ADAP2: variants seen among roughly 807,000 people sequenced by gnomAD.
ADAP2 encodes ArfGAP with dual PH domains 2.
Under a neutral mutation model 54.9 loss-of-function variants are expected in ADAP2, and 42 were observed. The observed-to-expected ratio is 0.77, with a 90% CI of 0.60 to 0.99. The LOEUF (loss-of-function observed/expected upper bound fraction) is 0.99. ADAP2 is among the 50% of genes least tolerant of loss of function. ADAP2 has a pLI of 0.00. For synonymous variants in ADAP2, 177 were observed against 180.1 expected (o/e 0.98, Z 0.14); for missense variants, 429 against 480.4 (o/e 0.89, Z 1.00).
At chr17:30,940,580 C>T (rs570026053) in intron 5 of ADAP2, among the ~76,000 whole-genome samples, 4 of 152,228 alleles carry the variant, frequency 2.6e-5, no homozygotes, top group Non-Finnish European at 5.9e-5. Context: ...GCTGGGATTA[C>T]AGGCGTGAGC....
chr17:30,955,270 C>T (rs1361010021), intron 9 of ADAP2, among the ~76,000 whole-genome samples: 1 of 151,130 alleles, frequency 6.6e-6, no homozygotes, highest in South Asian at 2.1e-4. Flanking sequence ...TCACCATGCC[C>T]AGCTAATTAA....
chr17:30,922,020 C>A lies in ADAP2; in HGVS notation c.6C>A (p.Gly2=), dbSNP rs1249660069. 17 of 1,277,390 alleles carry A rather than the reference C, an allele frequency of 1.3e-5. No homozygotes were observed. Among genetic ancestry groups the A allele is most frequent in the Non-Finnish European group, 1.6e-5 (16 of 1,016,614 alleles). The allele number at this position is 1,277,390 out of a possible 1,614,324, so 79.1% of individuals were successfully genotyped here. ...CTGAGCCCGCCGGGCCGGCCATGGG[C>A]GATCGCGAGCGCAACAAGAAGCGGC... M[G]DRERNKKRLL... Residue 2 remains glycine (G), a synonymous_variant, in exon 1 of 11, where the codon GGC becomes GGA. Transcript: ENST00000330889.
At chr17:30,932,011 A>G in intron 4 of ADAP2, 43 bp downstream of exon 4, 1 of 1,579,314 alleles carries the variant, frequency 6.3e-7, no homozygotes, top group Non-Finnish European at 8.7e-7. Context: ...TGTTTTAATG[A>G]GCTCTAGAAA....
In ADAP2 at chr17:30,956,378, C is replaced by T. The variant is rs1905072477; in HGVS notation, c.1020C>T (p.Val340=). The change falls in exon 10 of 11, where the codon GTC becomes GTT. Residue 340 remains valine (V), a synonymous_variant. Coordinates refer to ENST00000330889, the MANE Select transcript of ADAP2 (RefSeq NM_018404.3). The stretch of plus-strand genomic sequence containing the variant: ...TTGTCACCCCAGAGCGGAGATTTGT[C>T]CTCACTTGCCCCAGTGAGAAGGAAC... ...LTIVTPERRF[V]LTCPSEKEQQ... 5 of 1,614,074 alleles carry T rather than the reference C, an allele frequency of 3.1e-6. No individual in the cohort carries two copies. The highest frequency in any genetic ancestry group is 3.4e-6 in the Non-Finnish European group (4 of 1,180,040).
intron 5 of ADAP2, among the ~76,000 whole-genome samples, chr17:30,942,760 C>A (rs1912366140): frequency 6.6e-6 from 1 of 152,134 alleles, no homozygotes; most frequent in South Asian, 2.1e-4. Context: ...ACAGACACTT[C>A]TCAAAGAAGA....
chr17:30,957,876 A>C lies in ADAP2; in HGVS notation c.*7A>C. On this transcript the variant is annotated 3_prime_UTR_variant, in exon 11 of 11. Coordinates refer to ENST00000330889, the MANE Select transcript of ADAP2 (RefSeq NM_018404.3). ...TGGCCGCAGCAGCAGGTGACCCATT[A>C]ACTGAGGAACTGGCTGCCACTGAAC... The C allele has an allele frequency of 6.2e-7, 1 of 1,612,314 alleles. No homozygotes were observed. The highest frequency in any genetic ancestry group is 8.5e-7 in the Non-Finnish European group (1 of 1,179,248).
rs377205962 is a variant in ADAP2 at position 30,926,563 on chromosome 17, A to G, written c.226-264A>G. 5.0e-4 allele frequency among the ~76,000 whole-genome samples: 76 copies of G among 152,304 alleles called. 1 individual carries two copies. The Middle Eastern group carries it at 0.01, about 20-fold the overall frequency. The stretch of plus-strand genomic sequence containing the variant: ...CCTCAGTTGACTCATCTGTAAAATG[A>G]GTACAGTGATATGAAAATGGCTGAG... On this transcript the variant is annotated intron_variant, in intron 2 of 10. Coordinates refer to ENST00000330889, the MANE Select transcript of ADAP2 (RefSeq NM_018404.3).
At chr17:30,936,551 GATGTTGA>G (rs1275290110) in intron 5 of ADAP2, among the ~76,000 whole-genome samples, 3 of 152,136 alleles carry the variant, frequency 2.0e-5, no homozygotes, top group African/African-American at 7.2e-5. Flanking sequence ...CATGGCAAAT[GATGTTGA>G]GCATCTTTTT....
chr17:30,953,049 G>A (rs1051017488), intron 7 of ADAP2, among the ~76,000 whole-genome samples: 2 of 152,128 alleles, frequency 1.3e-5, no homozygotes, highest in African/African-American at 4.8e-5. Flanking sequence ...GGTTACTGAA[G>A]GAATCCTTAA....
chr17:30,940,847 T>C (rs894390188), intron 5 of ADAP2, among the ~76,000 whole-genome samples: 2 of 152,170 alleles, frequency 1.3e-5, no homozygotes, highest in African/African-American at 4.8e-5. Flanking sequence ...GAGCAGATGT[T>C]ATTGTTCTTT....
chr17:30,941,553 C>T (rs1419174462), intron 5 of ADAP2, among the ~76,000 whole-genome samples: 1 of 152,172 alleles, frequency 6.6e-6, no homozygotes, highest in Non-Finnish European at 1.5e-5. Flanking sequence ...TCGTATCCTT[C>T]TTAGTGCCTC....
chr17:30,957,645 G>C lies in ADAP2; in HGVS notation c.1112-190G>C, dbSNP rs138785472. Among the ~76,000 whole-genome samples, 776 of 152,068 alleles carry C rather than the reference G, an allele frequency of 5.1e-3. 11 individuals carry two copies. The highest frequency in any genetic ancestry group is 0.018 in the African/African-American group (749 of 41,480). Reference sequence around the variant, plus strand: ...AGAGTTTCACCATGTTGCTCAGGCTGGTCTCGAACTCCTGAGCTCAAGTGA... The same window carrying C: ...AGAGTTTCACCATGTTGCTCAGGCTCGTCTCGAACTCCTGAGCTCAAGTGA... On this transcript the variant is annotated intron_variant, in intron 10 of 10. Coordinates refer to ENST00000330889, the MANE Select transcript of ADAP2 (RefSeq NM_018404.3).
In ADAP2 at chr17:30,944,982, C is replaced by G. The variant is rs1281885458; in HGVS notation, c.586C>G (p.His196Asp). ...TFQTEKIGHP[H>D]GLQITYRRDG... Reference sequence around the variant, plus strand: ...CCAGACAGAGAAGATAGGGCACCCCCATGGGCTGCAGATCACCTACAGGAG... The same window carrying G: ...CCAGACAGAGAAGATAGGGCACCCCGATGGGCTGCAGATCACCTACAGGAG... The change falls in exon 6 of 11, where the codon CAT becomes GAT. Residue 196 changes from histidine to aspartate, a missense_variant. Coordinates refer to ENST00000330889, the MANE Select transcript of ADAP2 (RefSeq NM_018404.3). The G allele has an allele frequency of 1.2e-6, 2 of 1,613,938 alleles. No homozygotes were observed. Among genetic ancestry groups the G allele is most frequent in the African/African-American group, 2.7e-5 (2 of 74,912 alleles).
intron 7 of ADAP2, among the ~76,000 whole-genome samples, chr17:30,950,471 C>G (rs6505222): frequency 2.0e-5 from 3 of 152,116 alleles, no homozygotes; most frequent in East Asian, 1.9e-4. Context: ...GGTAAGATGG[C>G]GGTTAGTCCA....
intron 3 of ADAP2, among the ~76,000 whole-genome samples, chr17:30,929,394 C>T (rs968223361): frequency 1.3e-5 from 2 of 152,148 alleles, no homozygotes; most frequent in African/African-American, 2.4e-5. Context: ...CATCCTGGCT[C>T]GCTGCTGCCA....
At chr17:30,931,308 C>T (rs1224821851) in intron 3 of ADAP2, among the ~76,000 whole-genome samples, 3 of 152,140 alleles carry the variant, frequency 2.0e-5, no homozygotes, top group African/African-American at 7.2e-5. Context: ...TGCCTGAAGA[C>T]ATTTTTGGGT....
chr17:30,923,693 CTTTTTTTTTTTT>C (rs1013811428), intron 2 of ADAP2, among the ~76,000 whole-genome samples: 3 of 92,412 alleles, frequency 3.2e-5, no homozygotes, highest in African/African-American at 5.0e-5. Context: ...TTCTTTCTTC[CTTTTTTTTTTTT>C]TTTTTTTTTT....
chr17:30,936,517 T>C (rs1285776418), intron 5 of ADAP2, among the ~76,000 whole-genome samples: 1 of 152,204 alleles, frequency 6.6e-6, no homozygotes, highest in Non-Finnish European at 1.5e-5. Context: ...CGTATCTCAT[T>C]GTGGTTTTGA....
chr17:30,946,339 C>T (rs1245315707), intron 6 of ADAP2, among the ~76,000 whole-genome samples: 1 of 151,648 alleles, frequency 6.6e-6, no homozygotes, highest in African/African-American at 2.4e-5. Flanking sequence ...TTCAAGCGAT[C>T]CTCTTGCCTC....
Sources: gnomAD v4.1 joint callset for allele counts (sites outside exome capture counted in the v4.1 genomes callset) on GRCh38, gnomAD v4.1.1 for gene constraint, MANE v1.5 for transcripts, NCBI Gene and HGNC (gene_info 2026-07-23, HGNC 2026-07-21) for gene names.